The following UNC5D variants were observed in gnomAD, a reference collection of about 807,000 sequenced individuals.
UNC5D encodes unc-5 netrin receptor D, also known as netrin receptor UNC5D.
A neutral mutation model predicts 105.4 loss-of-function variants in UNC5D; 39 were observed. The ratio of observed to expected loss-of-function variants is 0.37; its 90% confidence interval spans 0.29 to 0.48. UNC5D has a LOEUF of 0.48. Ranked by LOEUF, UNC5D falls within the 20% of genes least tolerant of loss-of-function variation. The probability of loss-of-function intolerance (pLI) is 0.98; values close to 1 mark genes in which losing one functional copy is unlikely to be tolerated. For missense variants in UNC5D, 991 were observed against 1,202.4 expected (o/e 0.82, Z 2.60); for synonymous variants, 452 against 450.4 (o/e 1.00, Z -0.04).
intron 1 of UNC5D, among the ~76,000 whole-genome samples, chr8:35,240,649 C>T (rs1481791625): frequency 1.3e-5 from 2 of 152,134 alleles, no homozygotes; most frequent in Non-Finnish European, 2.9e-5. Context: ...TAGATTTGTA[C>T]CTACTCCATC....
intron 1 of UNC5D, among the ~76,000 whole-genome samples, chr8:35,432,562 C>G (rs1327771761): frequency 1.3e-5 from 2 of 152,170 alleles, no homozygotes; most frequent in African/African-American, 4.8e-5. Flanking sequence ...CAACTAGAAT[C>G]ACTTGTGTTA....
chr8:35,666,796 GGTCAACTGAAGTACCTATGACATGTAAA>G (rs1282998123), intron 4 of UNC5D, among the ~76,000 whole-genome samples: 1 of 152,084 alleles, frequency 6.6e-6, no homozygotes, highest in Non-Finnish European at 1.5e-5. Context: ...GAAATTGCAT[GGTCAACTGAAGTACCTATGACATGTAAA>G]GGCAATGTAA....
At chr8:35,635,836 C>G (rs1822336953) in intron 4 of UNC5D, among the ~76,000 whole-genome samples, 1 of 150,870 alleles carries the variant, frequency 6.6e-6, no homozygotes, top group African/African-American at 2.4e-5. Context: ...ATTTTCCTTC[C>G]TCATCAAGGC....
intron 7 of UNC5D, among the ~76,000 whole-genome samples, chr8:35,705,198 T>TCA (rs1489708333): frequency 6.6e-6 from 1 of 152,140 alleles, no homozygotes; most frequent in Non-Finnish European, 1.5e-5. Flanking sequence ...TCTCCTGACC[T>TCA]CGTGATCCGC....
At chr8:35,685,830 C>A (rs932396428) in intron 6 of UNC5D, among the ~76,000 whole-genome samples, 2 of 152,092 alleles carry the variant, frequency 1.3e-5, no homozygotes, top group South Asian at 4.1e-4. Flanking sequence ...GTACCCTATT[C>A]TTGATTAATT....
intron 1 of UNC5D, among the ~76,000 whole-genome samples, chr8:35,442,904 T>TCTCTCTCA (rs1246705327): frequency 4.3e-4 from 61 of 141,350 alleles, no homozygotes; most frequent in African/African-American, 1.6e-3. Context: ...TCTCTCTCTC[T>TCTCTCTCA]CACACACACA....
In UNC5D at chr8:35,535,621, A is replaced by C; in HGVS notation, c.104-13671A>C. Among the ~76,000 whole-genome samples, 2 of 151,896 alleles carry C rather than the reference A, an allele frequency of 1.3e-5. 1 individual carries two copies. Among genetic ancestry groups the C allele is most frequent in the Admixed American group, 1.3e-4 (2 of 15,230 alleles). The stretch of plus-strand genomic sequence containing the variant: ...ACTGGTTACTGGGTTGTAATGTTAG[A>C]TATTGCTTTGGAAGGAAAAAAAATA... On this transcript the variant is annotated intron_variant, in intron 1 of 16. Coordinates refer to ENST00000404895, the MANE Select transcript of UNC5D (RefSeq NM_080872.4).
chr8:35,767,810 A>G (rs1033488190), intron 15 of UNC5D, among the ~76,000 whole-genome samples: 1 of 152,112 alleles, frequency 6.6e-6, no homozygotes, highest in African/African-American at 2.4e-5. Flanking sequence ...CATGGCTCCA[A>G]TTTGTCCTAA....
At chr8:35,573,860 C>A (rs1817917701) in intron 3 of UNC5D, among the ~76,000 whole-genome samples, 1 of 152,192 alleles carries the variant, frequency 6.6e-6, no homozygotes, top group African/African-American at 2.4e-5. Context: ...TGCTGTCCAA[C>A]TGCCTGGGGC....
At chr8:35,655,652 G>C (rs1336938032) in intron 4 of UNC5D, among the ~76,000 whole-genome samples, 1 of 152,170 alleles carries the variant, frequency 6.6e-6, no homozygotes, top group Admixed American at 6.5e-5. Flanking sequence ...CATAATATAA[G>C]ATTGAAGACA....
At position 35,310,891 on chromosome 8, in the gene UNC5D, T is replaced by C. The variant is rs1808826111; in HGVS notation, c.103+75004T>C. 3.9e-5 allele frequency among the ~76,000 whole-genome samples: 6 copies of C among 152,264 alleles called. No homozygotes were observed. In the South Asian group the frequency reaches 1.2e-3, roughly 32 times the overall value. The stretch of plus-strand genomic sequence containing the variant: ...ATATATGAATACCTGGGGAACACAG[T>C]TGGGTCCATATGATGGATAAATAGG... On this transcript the variant is annotated intron_variant, in intron 1 of 16. Coordinates refer to ENST00000404895, the MANE Select transcript of UNC5D (RefSeq NM_080872.4).
chr8:35,541,322 C>G (rs1477715684), intron 1 of UNC5D, among the ~76,000 whole-genome samples: 1 of 152,136 alleles, frequency 6.6e-6, no homozygotes, highest in Non-Finnish European at 1.5e-5. Context: ...TAAAATATGT[C>G]AGGAGGCAGC....
intron 1 of UNC5D, among the ~76,000 whole-genome samples, chr8:35,272,987 A>G (rs1359994054): frequency 6.6e-6 from 1 of 152,192 alleles, no homozygotes; most frequent in African/African-American, 2.4e-5. Flanking sequence ...AAAGACTGAT[A>G]TAATTTGAGG....
chr8:35,727,719 A>G (rs964749061), intron 10 of UNC5D: 1 of 152,156 alleles, frequency 6.6e-6, no homozygotes, highest in Non-Finnish European at 1.5e-5. Context: ...TCATTGGTCA[A>G]TGTTTTAGGA....
intron 1 of UNC5D, among the ~76,000 whole-genome samples, chr8:35,489,585 C>T (rs1037288326): frequency 6.6e-6 from 1 of 152,124 alleles, no homozygotes; most frequent in African/African-American, 2.4e-5. Context: ...ATAAATTTGC[C>T]AATACCTTGA....
intron 1 of UNC5D, among the ~76,000 whole-genome samples, chr8:35,262,789 CAGAT>C (rs1804579751): frequency 6.6e-6 from 1 of 152,140 alleles, no homozygotes; most frequent in African/African-American, 2.4e-5. Context: ...GATTTATAGA[CAGAT>C]AAACAATCCC....
At chr8:35,445,803 C>G (rs944444906) in intron 1 of UNC5D, among the ~76,000 whole-genome samples, 3 of 151,964 alleles carry the variant, frequency 2.0e-5, no homozygotes, top group Admixed American at 6.6e-5. Flanking sequence ...GCTTTCAATT[C>G]TTTTTGTGTT....
At chr8:35,580,087 G>A (rs964121030) in intron 3 of UNC5D, among the ~76,000 whole-genome samples, 10 of 152,164 alleles carry the variant, frequency 6.6e-5, no homozygotes, top group Admixed American at 2.6e-4. Context: ...TTTTGGGCTC[G>A]CTAGGTTTCT....
At chr8:35,786,844 G>A (rs1802767761) in intron 16 of UNC5D, among the ~76,000 whole-genome samples, 1 of 152,130 alleles carries the variant, frequency 6.6e-6, no homozygotes, top group Non-Finnish European at 1.5e-5. Flanking sequence ...ATGGTGGCCT[G>A]CAGGCCACAT....
Sources: allele counts gnomAD v4.1 joint callset (sites outside exome capture counted in the v4.1 genomes callset), GRCh38; gene constraint gnomAD v4.1.1; transcripts MANE v1.5; gene names NCBI Gene and HGNC (gene_info 2026-07-23, HGNC 2026-07-21).